The following SUPT3H variants were observed in gnomAD, a reference collection of about 807,000 sequenced individuals.
SUPT3H encodes SPT3 homolog, SAGA and STAGA complex component, also known as transcription initiation protein SPT3 homolog.
In SUPT3H, 44 loss-of-function variants were observed where a neutral mutation model predicts 44.3. That is an observed-to-expected ratio of 0.99 (90% CI 0.78 to 1.28). SUPT3H has a LOEUF of 1.28. Ranked by LOEUF, SUPT3H falls within the 50% of genes most tolerant of loss-of-function variation. The probability of loss-of-function intolerance (pLI) is 0.00; values close to 1 mark genes in which losing one functional copy is unlikely to be tolerated. For missense variants in SUPT3H, 380 were observed against 387.1 expected, an observed-to-expected ratio of 0.98 and a Z score of 0.15; for synonymous variants, 124 against 125.6, an observed-to-expected ratio of 0.99 and a Z score of 0.09.
intron 2 of SUPT3H, among the ~76,000 whole-genome samples, chr6:45,139,780 A>G (rs983685831): frequency 6.6e-6 from 1 of 151,996 alleles, no homozygotes; most frequent in Non-Finnish European, 1.5e-5. Context: ...ACCTTCATAT[A>G]TCTCACAGGG....
At chr6:44,961,527 T>C (rs1448314551) in intron 7 of SUPT3H, among the ~76,000 whole-genome samples, 2 of 152,172 alleles carry the variant, frequency 1.3e-5, no homozygotes. Context: ...ACTCTGTATA[T>C]TACCAGCACC....
intron 2 of SUPT3H, among the ~76,000 whole-genome samples, chr6:45,109,228 G>T (rs1162640435): frequency 2.6e-5 from 4 of 151,998 alleles, no homozygotes; most frequent in African/African-American, 9.7e-5. Flanking sequence ...ACAATAAAAA[G>T]CAAACTCCAC....
chr6:44,894,767 G>T (rs2153444339), intron 10 of SUPT3H, among the ~76,000 whole-genome samples: 1 of 151,694 alleles, frequency 6.6e-6, no homozygotes, highest in Non-Finnish European at 1.5e-5. Context: ...TTTAAAATAT[G>T]TATTTTGAGA....
chr6:45,355,766 A>G (rs1453448540), intron 2 of SUPT3H, among the ~76,000 whole-genome samples: 1 of 152,212 alleles, frequency 6.6e-6, no homozygotes, highest in East Asian at 1.9e-4. Context: ...AGGCAGAATA[A>G]AAAATACTAT....
At chr6:45,322,034 T>C (rs1439635679) in intron 2 of SUPT3H, 8 of 550,570 alleles carry the variant, frequency 1.5e-5, no homozygotes, top group Non-Finnish European at 2.5e-5. Flanking sequence ...TACTAATAAC[T>C]TAATAAGAAT....
At chr6:44,872,597 G>T (rs552362596) in intron 10 of SUPT3H, among the ~76,000 whole-genome samples, 1 of 151,008 alleles carries the variant, frequency 6.6e-6, no homozygotes, top group Non-Finnish European at 1.5e-5. Flanking sequence ...CAACTAACGA[G>T]CAAAACCACC....
rs368393375 is a variant in SUPT3H, at chr6:45,167,189, G to T, written c.102-61183C>A. Among the ~76,000 whole-genome samples, 79 of 152,276 alleles carry T rather than the reference G, an allele frequency of 5.2e-4. 2 individuals carry two copies. Among genetic ancestry groups the T allele is most frequent in the East Asian group, 4.6e-3 (24 of 5,172 alleles). On this transcript the variant is annotated intron_variant, in intron 2 of 10. Transcript: ENST00000371459. ...AAGGGCTTAATGGACAGAAGTGTAG[G>T]TACTATAAAAGCTAGCCAAAGTCAT...
intron 2 of SUPT3H, among the ~76,000 whole-genome samples, chr6:45,325,315 A>G (rs1786180714): frequency 6.6e-6 from 1 of 151,898 alleles, no homozygotes; most frequent in Non-Finnish European, 1.5e-5. Flanking sequence ...AGTAAAACTA[A>G]TGTATTAAAA....
intron 2 of SUPT3H, among the ~76,000 whole-genome samples, chr6:45,298,601 G>A (rs1009521839): frequency 1.3e-5 from 2 of 151,210 alleles, no homozygotes; most frequent in Admixed American, 6.6e-5. Context: ...TCCCTAAAAT[G>A]TTATCTCTTA....
intron 10 of SUPT3H, among the ~76,000 whole-genome samples, chr6:44,853,385 T>C (rs1159310539): frequency 6.6e-6 from 1 of 152,118 alleles, no homozygotes; most frequent in Non-Finnish European, 1.5e-5. Context: ...AAGTGGTGCA[T>C]GAGGTGGCTT....
intron 3 of SUPT3H, among the ~76,000 whole-genome samples, chr6:45,078,689 T>A (rs1795345663): frequency 6.6e-6 from 1 of 152,194 alleles, no homozygotes; most frequent in Non-Finnish European, 1.5e-5. Context: ...TACAGTATAC[T>A]TGGCTGACAG....
At chr6:45,316,780 A>G (rs1242588398) in intron 2 of SUPT3H, among the ~76,000 whole-genome samples, 2 of 152,254 alleles carry the variant, frequency 1.3e-5, no homozygotes. Context: ...AGACACAATT[A>G]AATGGAAAGA....
chr6:45,070,746 A>AAAG (rs1794248471), intron 3 of SUPT3H, among the ~76,000 whole-genome samples: 2 of 150,988 alleles, frequency 1.3e-5, no homozygotes, highest in Non-Finnish European at 3.0e-5. Context: ...AAACAAAAAA[A>AAAG]AAAAAAAAAA....
At chr6:45,252,037 G>A (rs887994764) in intron 2 of SUPT3H, among the ~76,000 whole-genome samples, 1 of 152,096 alleles carries the variant, frequency 6.6e-6, no homozygotes, top group Non-Finnish European at 1.5e-5. Context: ...ATAACCAGCC[G>A]ACCAGAAGAT....
At chr6:45,069,876 A>T (rs2153551337) in intron 3 of SUPT3H, among the ~76,000 whole-genome samples, 1 of 152,128 alleles carries the variant, frequency 6.6e-6, no homozygotes, top group African/African-American at 2.4e-5. Flanking sequence ...AAAAAAATAC[A>T]TTAGCTCCCT....
chr6:44,891,513 T>C (rs2153441925), intron 10 of SUPT3H, among the ~76,000 whole-genome samples: 1 of 152,280 alleles, frequency 6.6e-6, no homozygotes, highest in South Asian at 2.1e-4. Context: ...CCACATATCA[T>C]ATAATTCCAT....
chr6:45,254,838 T>C (rs1179001195), intron 2 of SUPT3H, among the ~76,000 whole-genome samples: 1 of 152,118 alleles, frequency 6.6e-6, no homozygotes, highest in Non-Finnish European at 1.5e-5. Context: ...TCATAAGTTT[T>C]CAATTGTGTG....
chr6:45,208,453 G>A (rs549630423), intron 2 of SUPT3H, among the ~76,000 whole-genome samples: 3 of 152,280 alleles, frequency 2.0e-5, no homozygotes, highest in South Asian at 4.1e-4. Flanking sequence ...TTGACTGGGC[G>A]TGATGCCCAT....
At chr6:45,069,981 T>TCAGCAAAGGTGTG (rs1459106574) in intron 3 of SUPT3H, among the ~76,000 whole-genome samples, 1 of 152,112 alleles carries the variant, frequency 6.6e-6, no homozygotes, top group Non-Finnish European at 1.5e-5. Flanking sequence ...TCTGCTCACT[T>TCAGCAAAGGTGTG]CAGCAAAGGT....
Sources: allele counts gnomAD v4.1 joint callset (sites outside exome capture counted in the v4.1 genomes callset), GRCh38; gene constraint gnomAD v4.1.1; transcripts MANE v1.5; gene names NCBI Gene and HGNC (gene_info 2026-07-23, HGNC 2026-07-21).